The following RAB31 variants were observed in gnomAD, a reference collection of about 807,000 sequenced individuals.
RAB31 encodes ras-related protein Rab-31.
Under a neutral mutation model 25.6 loss-of-function variants are expected in RAB31, and 21 were observed. That is an observed-to-expected ratio of 0.82 (90% CI 0.58 to 1.18). RAB31 has a LOEUF of 1.18. RAB31 is among the 50% of genes most tolerant of loss of function. The pLI, the probability that RAB31 is intolerant of heterozygous loss-of-function variation, is 0.00. For synonymous variants in RAB31, 87 were observed against 84.0 expected (o/e 1.04, Z -0.20); for missense variants, 196 against 250.1 (o/e 0.78, Z 1.46).
chr18:9,846,033 A>G (rs1237360590), intron 6 of RAB31, among the ~76,000 whole-genome samples: 5 of 152,356 alleles, frequency 3.3e-5, no homozygotes, highest in African/African-American at 4.8e-5. Flanking sequence ...ATAGAACTCA[A>G]GGTCACCCAT....
chr18:9,826,395 A>G (rs2068649983), intron 5 of RAB31, among the ~76,000 whole-genome samples: 1 of 150,206 alleles, frequency 6.7e-6, no homozygotes, highest in Non-Finnish European at 1.5e-5. Context: ...ACAAACAAAC[A>G]AACAAAAAAG....
At chr18:9,746,663 G>A (rs2145475865) in intron 1 of RAB31, among the ~76,000 whole-genome samples, 1 of 152,252 alleles carries the variant, frequency 6.6e-6, no homozygotes, top group African/African-American at 2.4e-5. Flanking sequence ...TCAGTCAATA[G>A]GGAAAAAATA....
chr18:9,804,603 TGG>T (rs1294766194), intron 3 of RAB31, among the ~76,000 whole-genome samples: 6 of 152,224 alleles, frequency 3.9e-5, no homozygotes, highest in African/African-American at 7.2e-5. Flanking sequence ...TTCCTACGTC[TGG>T]CTAAAATACA....
chr18:9,765,214 A>G (rs748435357), intron 1 of RAB31, among the ~76,000 whole-genome samples: 3 of 152,206 alleles, frequency 2.0e-5, no homozygotes, highest in South Asian at 2.1e-4. Flanking sequence ...TGGTCTCCCA[A>G]AGTGCTGGGA....
At chr18:9,741,470 A>G (rs1009932901) in intron 1 of RAB31, among the ~76,000 whole-genome samples, 8 of 151,820 alleles carry the variant, frequency 5.3e-5, no homozygotes, top group African/African-American at 7.3e-5. Flanking sequence ...CTAAGTGACC[A>G]AGACAATACC....
intron 3 of RAB31, among the ~76,000 whole-genome samples, chr18:9,795,622 T>A (rs79397128): frequency 0.022 from 3,395 of 152,108 alleles, 120 homozygotes; most frequent in African/African-American, 0.078. Context: ...TGGCCAATGA[T>A]CATGAAAAAA....
At chr18:9,843,543 CAAAA>C (rs11291478) in intron 5 of RAB31, among the ~76,000 whole-genome samples, 3 of 68,426 alleles carry the variant, frequency 4.4e-5, no homozygotes, top group African/African-American at 6.0e-5. Context: ...AAGACACTGT[CAAAA>C]AAAAAAAAAA....
chr18:9,738,970 G>A (rs1224485970), intron 1 of RAB31, among the ~76,000 whole-genome samples: 1 of 152,162 alleles, frequency 6.6e-6, no homozygotes, highest in African/African-American at 2.4e-5. Flanking sequence ...CTTGGTGTGT[G>A]GGGAAAACCT....
At position 9,813,416 on chromosome 18, in the gene RAB31, T is replaced by C. The variant is rs189584702; in HGVS notation, c.202-604T>C. 5.5e-4 allele frequency among the ~76,000 whole-genome samples: 84 copies of C among 152,340 alleles called. 1 individual carries two copies. Among genetic ancestry groups the C allele is most frequent in the African/African-American group, 2.0e-3 (83 of 41,592 alleles). On this transcript the variant is annotated intron_variant, in intron 3 of 6. Coordinates refer to ENST00000578921, the MANE Select transcript of RAB31 (RefSeq NM_006868.4). The stretch of plus-strand genomic sequence containing the variant: ...TCAGTCAGTTATATTAGAGAAATGA[T>C]GAGCAGCAGGGAAAAGAAAATTCAC...
chr18:9,811,293 C>CT (rs1220267123), intron 3 of RAB31, among the ~76,000 whole-genome samples: 1 of 152,204 alleles, frequency 6.6e-6, no homozygotes, highest in Non-Finnish European at 1.5e-5. Context: ...GGATGGAGAC[C>CT]TGCATGGAGG....
At chr18:9,829,720 G>A (rs2068667863) in intron 5 of RAB31, among the ~76,000 whole-genome samples, 1 of 152,154 alleles carries the variant, frequency 6.6e-6, no homozygotes, top group Admixed American at 6.5e-5. Flanking sequence ...AGGGCATATA[G>A]TGCTATCTGA....
At chr18:9,750,338 G>A (rs578221075) in intron 1 of RAB31, among the ~76,000 whole-genome samples, 3 of 152,298 alleles carry the variant, frequency 2.0e-5, no homozygotes, top group South Asian at 4.1e-4. Context: ...TCTGCGTCCC[G>A]GTTGACCCTG....
chr18:9,786,797 G>C (rs16955592), intron 2 of RAB31: 16 of 152,280 alleles, frequency 1.1e-4, no homozygotes, highest in Admixed American at 9.8e-4. Flanking sequence ...TGCAATCAAG[G>C]AATTATCTGC....
intron 6 of RAB31, 51 bp downstream of exon 6, chr18:9,845,742 G>T (rs942346632): frequency 2.7e-6 from 4 of 1,496,614 alleles, no homozygotes; most frequent in Non-Finnish European, 3.6e-6. Flanking sequence ...TTATGCTTCT[G>T]GGAGTCAAAG....
chr18:9,717,122 C>T (rs949016452), intron 1 of RAB31, among the ~76,000 whole-genome samples: 2 of 151,980 alleles, frequency 1.3e-5, no homozygotes, highest in Non-Finnish European at 2.9e-5. Flanking sequence ...CTCTGTCATC[C>T]AGGCTGGAGT....
intron 3 of RAB31, among the ~76,000 whole-genome samples, chr18:9,801,940 C>A (rs1201699787): frequency 6.6e-6 from 1 of 152,246 alleles, no homozygotes; most frequent in Non-Finnish European, 1.5e-5. Context: ...AAAGACTATT[C>A]TTTGCCCGAT....
chr18:9,773,858 G>A (rs2068358248), intron 1 of RAB31, among the ~76,000 whole-genome samples: 1 of 151,964 alleles, frequency 6.6e-6, no homozygotes, highest in African/African-American at 2.4e-5. Flanking sequence ...CAGGGGTCTT[G>A]CTATGTTGCC....
At chr18:9,729,884 ACTCTT>A (rs2145464262) in intron 1 of RAB31, among the ~76,000 whole-genome samples, 1 of 152,124 alleles carries the variant, frequency 6.6e-6, no homozygotes, top group South Asian at 2.1e-4. Flanking sequence ...TTGTTTTTTT[ACTCTT>A]CTCTTGATGT....
At position 9,859,292 on chromosome 18, in the gene RAB31, G is replaced by A. The variant is rs1304392280; in HGVS notation, c.555G>A (p.Lys185=). The change falls in exon 7 of 7, where the codon AAG becomes AAA. Residue 185 remains lysine, a synonymous_variant. Coordinates refer to ENST00000578921, the MANE Select transcript of RAB31 (RefSeq NM_006868.4). ...ACAATGGAACAATCAAAGTTGAGAA[G>A]CCAACCATGCAAGCCAGCCGCCGGT... is the stretch of plus-strand genomic sequence containing the variant. ...NGNNGTIKVE[K]PTMQASRRCC is the part of the protein sequence containing the mutation. 6.2e-7 allele frequency: 1 copy of A among 1,613,756 alleles called. No individual in the cohort carries two copies. Among genetic ancestry groups the A allele is most frequent in the African/African-American group, 1.3e-5 (1 of 75,008 alleles).
Sources: gnomAD v4.1 joint callset for allele counts (sites outside exome capture counted in the v4.1 genomes callset) on GRCh38, gnomAD v4.1.1 for gene constraint, MANE v1.5 for transcripts, NCBI Gene and HGNC (gene_info 2026-07-23, HGNC 2026-07-21) for gene names.